The following CCT3 variants were observed in gnomAD, a reference collection of about 807,000 sequenced individuals.
CCT3 encodes the protein T-complex protein 1 subunit gamma.
Under a neutral mutation model 65.3 loss-of-function variants are expected in CCT3, and 10 were observed. The observed-to-expected ratio is 0.15, with a 90% CI of 0.09 to 0.26. CCT3 has a LOEUF of 0.26. Among genes scored for constraint, CCT3 ranks in the 10% least tolerant of loss-of-function variants. CCT3 has a pLI of 1.00. For synonymous variants in CCT3, 225 were observed against 242.3 expected (o/e 0.93, Z 0.66); for missense variants, 626 against 708.7 (o/e 0.88, Z 1.33).
chr1:156,331,617 A>C (rs1665098731), intron 5 of CCT3, among the ~76,000 whole-genome samples: 1 of 151,888 alleles, frequency 6.6e-6, no homozygotes, highest in Admixed American at 6.6e-5. Context: ...TGGGAGGTGG[A>C]GGTTGCAGTG....
intron 10 of CCT3, 133 bp downstream of exon 10, chr1:156,317,033 G>T: frequency 1.3e-6 from 1 of 742,584 alleles, no homozygotes; most frequent in Non-Finnish European, 2.3e-6. Flanking sequence ...AAGAGGGCAG[G>T]CAGCTAAGCC....
chr1:156,325,855 T>A (rs1664778714), intron 5 of CCT3, among the ~76,000 whole-genome samples: 4 of 151,966 alleles, frequency 2.6e-5, no homozygotes, highest in Admixed American at 2.6e-4. Flanking sequence ...AGTGCTGGGA[T>A]TACAGGCGTA....
At position 156,333,579 on chromosome 1, in the gene CCT3, A is replaced by G. The variant is rs768881471; in HGVS notation, c.272T>C (p.Val91Ala). The G allele has an allele frequency of 3.7e-6, 6 of 1,613,814 alleles. No individual in the cohort carries two copies. In the Admixed American group the frequency reaches 1.0e-4, roughly 27 times the overall value. Residue 91 changes from valine (V) to alanine (A), a missense_variant, in exon 5 of 14, where the codon GTT becomes GCT. Coordinates refer to ENST00000295688, the MANE Select transcript of CCT3 (RefSeq NM_005998.5). ...AATTACTGATGTGGTCCCATCTCCA[A>G]CCTCTTCATCCTGGGTCCGGCTAAT... ...IEISRTQDEE[V>A]GDGTTSVIIL...
At chr1:156,332,945 G>A (rs1275099742) in intron 5 of CCT3, 1 of 156,856 alleles carries the variant, frequency 6.4e-6, no homozygotes, top group Non-Finnish European at 1.4e-5. Context: ...GAGGCTTATA[G>A]GTATCTAACC....
chr1:156,312,846 A>C (rs1664141262), intron 10 of CCT3, among the ~76,000 whole-genome samples: 1 of 152,244 alleles, frequency 6.6e-6, no homozygotes, highest in Non-Finnish European at 1.5e-5. Context: ...TATATACACT[A>C]ATATGATTTG....
rs577196683 is a variant in CCT3 at position 156,334,883 on chromosome 1, G to C, written c.129C>G (p.Pro43=). ...ATAAGCCTACCTTCATCATGGACTT[G>C]GGTCCCAAACATGTTCGGATGATAT... The part of the protein sequence containing the change: ...IADIIRTCLG[P]KSMMKMLLDP... The change falls in exon 3 of 14, where the codon CCC becomes CCG. Residue 43 remains proline, a synonymous_variant. Transcript: ENST00000295688. 3.1e-6 allele frequency: 5 copies of C among 1,614,102 alleles called. No individual in the cohort carries two copies. The South Asian group carries it at 5.5e-5, about 18-fold the overall frequency.
Position 156,321,570 on chromosome 1 carries a change from A to G in CCT3, c.423-545T>C, listed in dbSNP as rs544548157. Among the ~76,000 whole-genome samples the G allele has an allele frequency of 3.3e-5, 5 of 152,320 alleles. No individual in the cohort carries two copies. The East Asian group carries it at 7.7e-4, about 23-fold the overall frequency. On this transcript the variant is annotated intron_variant, in intron 6 of 13. Transcript: ENST00000295688. ...TTCACTCCTCACAAGATATTTTCAC[A>G]TAATGCTAAAATCTCTTTTTTGGCT...
chr1:156,311,882 ATTAT>A (rs1183112457), intron 11 of CCT3, among the ~76,000 whole-genome samples, 155 bp downstream of exon 11: 2 of 152,146 alleles, frequency 1.3e-5, no homozygotes, highest in South Asian at 2.1e-4. Context: ...AAAATTTTAA[ATTAT>A]TTAATTAAAA....
At chr1:156,310,020 G>A (rs12041164) in intron 13 of CCT3, among the ~76,000 whole-genome samples, 33,186 of 114,942 alleles carry the variant, frequency 0.29, 4,575 homozygotes, top group Middle Eastern at 0.37. Flanking sequence ...CCTGGGCAAC[G>A]GAGCGATAGT....
intron 4 of CCT3, among the ~76,000 whole-genome samples, chr1:156,333,884 A>G (rs970328119): frequency 7.2e-5 from 11 of 152,214 alleles, no homozygotes; most frequent in African/African-American, 2.4e-4. Context: ...GGACAGAACG[A>G]TATCTTTTAG....
At chr1:156,316,225 C>A (rs1235031691) in intron 10 of CCT3, among the ~76,000 whole-genome samples, 2 of 152,042 alleles carry the variant, frequency 1.3e-5, no homozygotes, top group African/African-American at 4.8e-5. Context: ...GCATTATAAG[C>A]AATCTAAAGG....
chr1:156,338,205 G>C lies in CCT3; in HGVS notation c.-21C>G. ...ATCATGGCGACGCGATGCAGAGCCGGGTACCCAGAGCTGGGGGAACCGGCA... is the reference window on the plus strand; with the variant it reads ...ATCATGGCGACGCGATGCAGAGCCGCGTACCCAGAGCTGGGGGAACCGGCA... On this transcript the variant is annotated 5_prime_UTR_variant, in exon 1 of 14. Coordinates refer to ENST00000295688, the MANE Select transcript of CCT3 (RefSeq NM_005998.5). 6.3e-7 allele frequency: 1 copy of C among 1,583,006 alleles called. No individual in the cohort carries two copies. The highest frequency in any genetic ancestry group is 8.6e-7 in the Non-Finnish European group (1 of 1,166,042).
rs1359299147 is a variant in CCT3, at chr1:156,313,362, AAG to A, written c.975-1143_975-1142del. Among the ~76,000 whole-genome samples, 82 of 146,142 alleles carry A rather than the reference AAG, an allele frequency of 5.6e-4. 2 individuals carry two copies. Among genetic ancestry groups the A allele is most frequent in the East Asian group, 2.0e-3 (10 of 4,964 alleles). The stretch of plus-strand genomic sequence containing the variant: ...TCAAAAAAAAAAAGAAAAAAAAAAA[AAG>A]AGAGAGAGAGAGAGAGAGAAATCAT... On this transcript the variant is annotated intron_variant, in intron 10 of 13. Transcript: ENST00000295688.
Position 156,318,991 on chromosome 1 carries a change from G to A in CCT3, c.636C>T (p.Ser212=), listed in dbSNP as rs1664428680. Residue 212 remains serine (S), a synonymous_variant, in exon 8 of 14, where the codon TCC becomes TCT. Coordinates refer to ENST00000295688, the MANE Select transcript of CCT3 (RefSeq NM_005998.5). Reference sequence around the variant, plus strand: ...TAATCATGACTCCACGCAAGACACAGGAGTCTTCAATGATGCCTCCAGGTA... The same window carrying A: ...TAATCATGACTCCACGCAAGACACAAGAGTCTTCAATGATGCCTCCAGGTA... ...EKIPGGIIED[S]CVLRGVMINK... 1.2e-6 allele frequency: 2 copies of A among 1,612,600 alleles called. No individual in the cohort carries two copies. The highest frequency in any genetic ancestry group is 2.2e-5 in the East Asian group (1 of 44,842).
Position 156,310,988 on chromosome 1 carries a change from A to G in CCT3, c.1363T>C (p.Cys455Arg), listed in dbSNP as rs1460987063. 1 of 1,614,156 alleles carries G rather than the reference A, an allele frequency of 6.2e-7. No individual in the cohort carries two copies. The highest frequency in any genetic ancestry group is 8.5e-7 in the Non-Finnish European group (1 of 1,180,028). Residue 455 changes from cysteine to arginine, a missense_variant, in exon 12 of 14, where the codon TGT becomes CGT. By Grantham distance (180) the Cys-to-Arg change is radical. Transcript: ENST00000295688. ...AGTAGACGGATGGTGCTGGCCCCACAGTTCTGGATCAGGGTACGAGGAATG... is the reference window on the plus strand; with the variant it reads ...AGTAGACGGATGGTGCTGGCCCCACGGTTCTGGATCAGGGTACGAGGAATG... ...EVIPRTLIQN[C>R]GASTIRLLTS...
intron 7 of CCT3, 78 bp from the exon 8 acceptor site, chr1:156,319,095 C>T: frequency 7.4e-7 from 1 of 1,346,370 alleles, no homozygotes; most frequent in Non-Finnish European, 1.0e-6. Context: ...TTCATCTTTC[C>T]CAAACAGCTA....
chr1:156,337,110 GAA>G, intron 1 of CCT3: 3 of 1,284,224 alleles, frequency 2.3e-6, no homozygotes, highest in Non-Finnish European at 2.0e-6. Flanking sequence ...GTGCTCATCA[GAA>G]AAAAATAAGG....
At position 156,335,866 on chromosome 1, in the gene CCT3, G is replaced by A. The variant is rs762586313; in HGVS notation, c.54C>T (p.Ser18=). The A allele has an allele frequency of 2.1e-5, 34 of 1,613,902 alleles. No individual in the cohort carries two copies. The highest frequency in any genetic ancestry group is 2.6e-5 in the Non-Finnish European group (31 of 1,179,954). ...LVLSQNTKRE[S]GRKVQSGNIN... ...TGTTTCCAGATTGAACTTTTCTTCC[G>A]GATTCACGCTTTGTGTTCTGGCCTA... Residue 18 remains serine (S), a synonymous_variant, in exon 2 of 14, where the codon TCC becomes TCT. Transcript: ENST00000295688.
chr1:156,314,912 T>C (rs1423088896), intron 10 of CCT3, among the ~76,000 whole-genome samples: 1 of 152,130 alleles, frequency 6.6e-6, no homozygotes, highest in African/African-American at 2.4e-5. Context: ...ATATGGACCC[T>C]TCTATGATAG....
Sources: allele counts gnomAD v4.1 joint callset (sites outside exome capture counted in the v4.1 genomes callset), GRCh38; gene constraint gnomAD v4.1.1; transcripts MANE v1.5; gene names NCBI Gene and HGNC (gene_info 2026-07-23, HGNC 2026-07-21).